Variants in FN1 observed in about 807,000 individuals in gnomAD.
The protein encoded by FN1 is fibronectin.
FN1 carries 106 observed loss-of-function variants against 297.3 expected under a neutral mutation model. That is an observed-to-expected ratio of 0.36 (90% CI 0.30 to 0.42). FN1 has a LOEUF of 0.42. FN1 is among the 10% of genes least tolerant of loss of function. The pLI is 1.00. For synonymous variants in FN1, 1,149 were observed against 1,152.6 expected, an observed-to-expected ratio of 1.00 and a Z score of 0.06; for missense variants, 2,690 against 3,124.9, an observed-to-expected ratio of 0.86 and a Z score of 3.32.
chr2:215,431,789 G>A (rs1177481923), intron 4 of FN1, 44 bp downstream of exon 4: 1 of 1,609,682 alleles, frequency 6.2e-7, no homozygotes, highest in Middle Eastern at 1.7e-4. Flanking sequence ...CCCCACATTA[G>A]AACTAAGCAT....
At chr2:215,409,360 G>C (rs2062237539) in intron 15 of FN1, among the ~76,000 whole-genome samples, 1 of 152,140 alleles carries the variant, frequency 6.6e-6, no homozygotes, top group African/African-American at 2.4e-5. Context: ...CCAGGAACAT[G>C]TGACAGTGGC....
chr2:215,407,233 G>A lies in FN1; in HGVS notation c.2607C>T (p.Asp869=), dbSNP rs770960944. ...TGTTATACTGAACACCAGGTTGCAA[G>A]TCACTGAGGGTGACGGAGTTTGCAG... The part of the protein sequence containing the change: ...PETANSVTLS[D]LQPGVQYNIT... Residue 869 remains aspartate, a synonymous_variant, in exon 18 of 46, where the codon GAC becomes GAT. Coordinates refer to ENST00000354785, the MANE Select transcript of FN1 (RefSeq NM_212482.4). 2.5e-6 allele frequency: 4 copies of A among 1,614,082 alleles called. No individual in the cohort carries two copies. The highest frequency in any genetic ancestry group is 2.2e-5 in the South Asian group (2 of 91,086).
Position 215,406,414 on chromosome 2 carries a change from T to C in FN1, c.2810A>G (p.Tyr937Cys), listed in dbSNP as rs2061782089. The C allele has an allele frequency of 6.2e-7, 1 of 1,614,188 alleles. No homozygotes were observed. The highest frequency in any genetic ancestry group is 8.5e-7 in the Non-Finnish European group (1 of 1,180,036). ...GTTGACGGGGATCACATCCACACGGTAGCCGGTCACTGCACTCTCAGGCGG... is the reference window on the plus strand; with the variant it reads ...GTTGACGGGGATCACATCCACACGGCAGCCGGTCACTGCACTCTCAGGCGG... ...WTPPESAVTGYRVDVIPVNLP... is the reference protein window; with the variant it reads ...WTPPESAVTGCRVDVIPVNLP... The change falls in exon 19 of 46, where the codon TAC becomes TGC. Residue 937 changes from tyrosine to cysteine, a missense_variant. Coordinates refer to ENST00000354785, the MANE Select transcript of FN1 (RefSeq NM_212482.4).
chr2:215,384,330 G>T, intron 29 of FN1, 146 bp from the exon 30 acceptor site: 1 of 765,562 alleles, frequency 1.3e-6, no homozygotes, highest in Non-Finnish European at 2.2e-6. Flanking sequence ...TGAACAGAAA[G>T]GGGTATTTAT....
chr2:215,405,953 C>T (rs937968205), intron 19 of FN1, among the ~76,000 whole-genome samples: 4 of 152,036 alleles, frequency 2.6e-5, no homozygotes, highest in African/African-American at 2.4e-5. Flanking sequence ...TTTAGTTACA[C>T]GAAAAATGCA....
intron 6 of FN1, among the ~76,000 whole-genome samples, chr2:215,427,484 C>A (rs2065671564): frequency 6.6e-6 from 1 of 152,104 alleles, no homozygotes; most frequent in South Asian, 2.1e-4. Context: ...ACGTAAAAAT[C>A]TTTTTCTCAT....
chr2:215,375,481 C>T (rs2057108207), intron 37 of FN1, 88 bp from the exon 38 acceptor site: 2 of 1,362,212 alleles, frequency 1.5e-6, no homozygotes, highest in South Asian at 1.2e-5. Context: ...TCTAAACACA[C>T]TTAAAAGAAT....
chr2:215,378,059 C>G (rs1345835321), intron 35 of FN1, 116 bp downstream of exon 35: 2 of 755,640 alleles, frequency 2.6e-6, no homozygotes, highest in Non-Finnish European at 4.7e-6. Flanking sequence ...GCTCCCGCCT[C>G]AGCTTCCCAA....
rs2692224 is a variant in FN1 at position 215,399,203 on chromosome 2, C to A, written c.3348+54G>T. On this transcript the variant is annotated intron_variant, in intron 21 of 45. Transcript: ENST00000354785. ...GCACCCTGTTTCCACTACATGGGAA[C>A]CACAAGGACAGCTCAGGGCTGTATC... 0.58 allele frequency: 790,042 copies of A among 1,373,740 alleles called. 232,107 individuals carry two copies. The highest frequency in any genetic ancestry group is 0.94 in the East Asian group (41,282 of 43,704). The allele number at this position is 1,373,740 out of a possible 1,614,324, so 85.1% of individuals were successfully genotyped here. A position where few individuals can be genotyped will look rare whatever the true frequency, so the allele number is the denominator to read the frequency against.
chr2:215,425,130 T>C lies in FN1; in HGVS notation c.1000A>G (p.Thr334Ala). The stretch of plus-strand genomic sequence containing the variant: ...CAGCTGACTCCGTTGCCCAGGCACG[T>C]GCAAAGCATTTGCTTATTTCCTTGT... ...KTQGNKQMLC[T>A]CLGNGVSCQE... is the part of the protein sequence containing the mutation. The change falls in exon 7 of 46, where the codon ACG (threonine) becomes GCG (alanine). Residue 334 changes from threonine (T) to alanine (A), a missense_variant. Around this residue, in one of 3 missense-constraint regions of FN1, gnomAD observed 876 missense variants for 1,058.1 expected, o/e 0.83. Coordinates refer to ENST00000354785, the MANE Select transcript of FN1 (RefSeq NM_212482.4). 1 of 1,614,138 alleles carries C rather than the reference T, an allele frequency of 6.2e-7. No homozygotes were observed. Among genetic ancestry groups the C allele is most frequent in the Non-Finnish European group, 8.5e-7 (1 of 1,180,014 alleles).
chr2:215,379,603 TA>T (rs777515297), intron 33 of FN1: 2,023 of 281,376 alleles, frequency 7.2e-3, no homozygotes, highest in South Asian at 0.011. Flanking sequence ...TGCTTTCCCT[TA>T]AAAAAAAAAG....
At chr2:215,422,377 ACAT>A (rs2064556159) in intron 9 of FN1, 134 bp from the exon 10 acceptor site, 1 of 874,590 alleles carries the variant, frequency 1.1e-6, no homozygotes. Context: ...TGCATCAAAG[ACAT>A]CTAAGTGCTG....
At chr2:215,375,772 T>C (rs2057177048) in intron 36 of FN1, 54 bp from the exon 37 acceptor site, 1 of 1,188,554 alleles carries the variant, frequency 8.4e-7, no homozygotes, top group Admixed American at 1.7e-5. Flanking sequence ...ACTAGGAGAA[T>C]TCTCAAGCTA....
Position 215,410,035 on chromosome 2 carries a change from C to T in FN1, c.2021G>A (p.Gly674Asp). Residue 674 changes from glycine (G) to aspartate (D), a missense_variant, in exon 14 of 46, where the codon GGT becomes GAT. Gly to Asp is a moderately conservative substitution (Grantham distance 94). Coordinates refer to ENST00000354785, the MANE Select transcript of FN1 (RefSeq NM_212482.4). ...GATGAGCTGGCCCTCGTATACCACA[C>T]CAGGCTTCAGGCCTTTGATGGTGTA... Reference protein sequence around the residue: ...NSYTIKGLKPGVVYEGQLISI... With the variant: ...NSYTIKGLKPDVVYEGQLISI... 1 of 1,614,020 alleles carries T rather than the reference C, an allele frequency of 6.2e-7. No individual in the cohort carries two copies. The highest frequency in any genetic ancestry group is 8.5e-7 in the Non-Finnish European group (1 of 1,180,002).
chr2:215,420,535 CTT>C (rs1559551930), intron 11 of FN1, 136 bp downstream of exon 11: 2 of 1,081,894 alleles, frequency 1.8e-6, no homozygotes, highest in East Asian at 2.4e-5. Flanking sequence ...AGAGAGAAGA[CTT>C]TGCAAAGTTC....
At position 215,361,985 on chromosome 2, in the gene FN1, T is replaced by C. The variant is rs759470429; in HGVS notation, c.7346A>G (p.His2449Arg). 5.6e-5 allele frequency: 90 copies of C among 1,613,002 alleles called. No homozygotes were observed. In the South Asian group the frequency reaches 8.6e-4, roughly 15 times the overall value. The change falls in exon 45 of 46, where the codon CAT (histidine) becomes CGT (arginine). Residue 2449 changes from histidine to arginine, a missense_variant. Coordinates refer to ENST00000354785, the MANE Select transcript of FN1 (RefSeq NM_212482.4). ...QSYNQYSQRY[H>R]QRTNTNVNCP... ...TGCACTTACAGTGTTTGTTCTCTGA[T>C]GGTATCTCTGAGAATACTGGTTGTA...
intron 33 of FN1, 76 bp downstream of exon 33, chr2:215,380,735 A>T: frequency 6.7e-7 from 1 of 1,502,738 alleles, no homozygotes; most frequent in Non-Finnish European, 9.3e-7. Context: ...TCAATAGCCC[A>T]GTGAAGCATA....
chr2:215,373,671 C>CCAGGG (rs2056692510), intron 38 of FN1, among the ~76,000 whole-genome samples: 1 of 125,450 alleles, frequency 8.0e-6, no homozygotes, highest in African/African-American at 3.4e-5. Flanking sequence ...CCAGGGTATT[C>CCAGGG]TTTTTTTTTT....
In FN1 at chr2:215,425,375, G is replaced by C. The variant is rs879102211; in HGVS notation, c.845-90C>G. The C allele has an allele frequency of 6.6e-5, 86 of 1,297,048 alleles. No individual in the cohort carries two copies. In the South Asian group the frequency reaches 9.1e-4, roughly 14 times the overall value. The allele number at this position is 1,297,048 out of a possible 1,614,324, so 80.3% of individuals were successfully genotyped here. On this transcript the variant is annotated intron_variant, in intron 6 of 45. Transcript: ENST00000354785. ...GTCAGGATCTTCAGGATCTCACAGA[G>C]ATCACTCTGAAATCTATGTCGCTAC...
Sources: allele counts gnomAD v4.1 joint callset (sites outside exome capture counted in the v4.1 genomes callset), GRCh38; gene constraint gnomAD v4.1.1; regional missense constraint gnomAD v4.1.1; transcripts MANE v1.5; gene names NCBI Gene and HGNC (gene_info 2026-07-23, HGNC 2026-07-21).